The following FMNL1 variants were observed in gnomAD, a reference collection of about 807,000 sequenced individuals.
FMNL1 encodes formin like 1, also known as formin-like protein 1.
Under a neutral mutation model 121.3 loss-of-function variants are expected in FMNL1, and 43 were observed. The ratio of observed to expected loss-of-function variants is 0.35; its 90% CI spans 0.28 to 0.46. The LOEUF (loss-of-function observed/expected upper bound fraction) is 0.46, where lower values mean the gene tolerates loss of function less well. Ranked by LOEUF, FMNL1 falls within the 20% of genes least tolerant of loss-of-function variation. The pLI, the probability that FMNL1 is intolerant of heterozygous loss-of-function variation, is 1.00. For synonymous variants in FMNL1, 613 were observed against 613.5 expected, an observed-to-expected ratio of 1.00 and a Z score of 0.01; for missense variants, 1,191 against 1,482.4, an observed-to-expected ratio of 0.80 and a Z score of 3.23.
chr17:45,237,549 C>T lies in FMNL1; in HGVS notation c.804C>T (p.Thr268=). ...ALSLNNKNPR[T]KALVLELLAA... ...AACCTGCCCCTTCTCTCTCCAGAAC[C>T]AAGGCTCTGGTGCTGGAGCTGCTGG... is the stretch of plus-strand genomic sequence containing the variant. Residue 268 remains threonine, a synonymous_variant, in exon 9 of 27, where the codon ACC becomes ACT. Coordinates refer to ENST00000331495, the MANE Select transcript of FMNL1 (RefSeq NM_005892.4). The surrounding 1 kb of genome is among the most constrained non-coding windows in gnomAD (Gnocchi z 4.4). The T allele has an allele frequency of 6.2e-7, 1 of 1,614,166 alleles. No individual in the cohort carries two copies.
chr17:45,230,799 ACT>A, intron 2 of FMNL1, 112 bp downstream of exon 2: 1 of 1,179,034 alleles, frequency 8.5e-7, no homozygotes, highest in Non-Finnish European at 1.2e-6. Flanking sequence ...TGGAGCCAAG[ACT>A]CTGCTCAGTG....
chr17:45,246,802 C>T (rs1287400391), intron 26 of FMNL1, 65 bp from the exon 27 acceptor site: 4 of 699,696 alleles, frequency 5.7e-6, no homozygotes, highest in African/African-American at 3.5e-5. Context: ...GCTTTGTGCC[C>T]TGGAGCCATG....
In FMNL1 at chr17:45,243,458, T is replaced by C. The variant is rs2043755646; in HGVS notation, c.2213+138T>C. ...TACCAACCCTGGTCCAGGAAACTTG[T>C]CCCCATTTTAAGGTGGAGAAAACTC... is the stretch of plus-strand genomic sequence containing the variant. On this transcript the variant is annotated intron_variant, in intron 17 of 26. Transcript: ENST00000331495. 7 of 1,073,296 alleles carry C rather than the reference T, an allele frequency of 6.5e-6. No individual in the cohort carries two copies. The Admixed American group carries it at 8.2e-5, about 13-fold the overall frequency. The allele number at this position is 1,073,296 out of a possible 1,614,324, so 66.5% of individuals were successfully genotyped here.
At chr17:45,235,825 G>C (rs891417601) in intron 6 of FMNL1, among the ~76,000 whole-genome samples, 4 of 152,194 alleles carry the variant, frequency 2.6e-5, no homozygotes, top group Non-Finnish European at 4.4e-5. Context: ...ATTGGAAGAT[G>C]AGCCCAAGTG....
intron 1 of FMNL1, among the ~76,000 whole-genome samples, chr17:45,227,097 C>T (rs1377588483): frequency 6.6e-6 from 1 of 151,762 alleles, no homozygotes; most frequent in African/African-American, 2.4e-5. Flanking sequence ...GGGACAGGCT[C>T]AGCTTCTGGG....
At position 45,241,518 on chromosome 17, in the gene FMNL1, G is replaced by T; in HGVS notation, c.1469G>T (p.Arg490Leu). The T allele has an allele frequency of 1.3e-6, 2 of 1,580,212 alleles. No homozygotes were observed. Among genetic ancestry groups the T allele is most frequent in the Non-Finnish European group, 8.6e-7 (1 of 1,164,094 alleles). The change falls in exon 14 of 27, where the codon CGT becomes CTT. Residue 490 changes from arginine (R) to leucine (L), a missense_variant. By Grantham distance (102) the Arg-to-Leu change is moderately radical. This residue lies in a region of FMNL1 where 519 missense variants were observed against 492.8 expected (regional missense o/e 1.05). Transcript: ENST00000331495. The surrounding 1 kb of genome is among the most constrained non-coding windows in gnomAD (Gnocchi z 7.0). ...VEELEEKGLIRILRGPGDAVS... is the reference protein window; with the variant it reads ...VEELEEKGLILILRGPGDAVS... ...GAGCTGGAGGAGAAGGGGTTAATCCGTATTCTGCGGGGGCCGGGGGATGCT... is the reference window on the plus strand; with the variant it reads ...GAGCTGGAGGAGAAGGGGTTAATCCTTATTCTGCGGGGGCCGGGGGATGCT...
At chr17:45,239,143 T>TG in intron 11 of FMNL1, 78 bp downstream of exon 11, 1 of 1,255,080 alleles carries the variant, frequency 8.0e-7, no homozygotes, top group South Asian at 1.2e-5. Flanking sequence ...GCATGAGTGC[T>TG]GGGGTCAGGT....
rs1239643285 is a variant in FMNL1 at position 45,246,959 on chromosome 17, C to A, written c.*101C>A. 4.0e-6 allele frequency: 3 copies of A among 749,342 alleles called. No individual in the cohort carries two copies. Among genetic ancestry groups the A allele is most frequent in the Non-Finnish European group, 7.3e-6 (3 of 411,074 alleles). 46.4% of individuals were successfully genotyped at this position (749,342 alleles called of 1,614,324 possible). A position where few individuals can be genotyped will look rare whatever the true frequency, so the allele number is the denominator to read the frequency against. Reference sequence around the variant, plus strand: ...CCCCCCACTGCAGGTCACCTCCGACCTCTCGCTGTAGCCGCTATTTCTGCA... The same window carrying A: ...CCCCCCACTGCAGGTCACCTCCGACATCTCGCTGTAGCCGCTATTTCTGCA... On this transcript the variant is annotated 3_prime_UTR_variant, in exon 27 of 27. Coordinates refer to ENST00000331495, the MANE Select transcript of FMNL1 (RefSeq NM_005892.4).
At position 45,237,900 on chromosome 17, in the gene FMNL1, C is replaced by T. The variant is rs1025530188; in HGVS notation, c.894+261C>T. On this transcript the variant is annotated intron_variant, in intron 9 of 26. Coordinates refer to ENST00000331495, the MANE Select transcript of FMNL1 (RefSeq NM_005892.4). This position sits in a 1 kb window ranked among gnomAD's most constrained non-coding sequence, Gnocchi z 4.4. ...ACAGGGACCTGCTGAACCTCTGACT[C>T]AGCCTTGCCAGATCCAAACTAGCCT... 2.4e-6 allele frequency: 1 copy of T among 412,904 alleles called. No individual in the cohort carries two copies. Among genetic ancestry groups the T allele is most frequent in the Non-Finnish European group, 4.5e-6 (1 of 224,098 alleles). 25.6% of individuals were successfully genotyped at this position (412,904 alleles called of 1,614,324 possible). A position where few individuals can be genotyped will look rare whatever the true frequency, so the allele number is the denominator to read the frequency against.
intron 7 of FMNL1, among the ~76,000 whole-genome samples, chr17:45,236,922 G>A (rs989976708): frequency 1.3e-5 from 2 of 152,176 alleles, no homozygotes; most frequent in Non-Finnish European, 2.9e-5. Context: ...GACCAGCCTG[G>A]CCAATATGGC....
At chr17:45,230,387 T>C (rs761044444) in intron 1 of FMNL1, among the ~76,000 whole-genome samples, 13 of 152,182 alleles carry the variant, frequency 8.5e-5, no homozygotes, top group Non-Finnish European at 1.9e-4. Context: ...ATTCAAATCC[T>C]GCTCTCCCTT....
Position 45,241,823 on chromosome 17 carries a change from C to A in FMNL1, c.1586-24C>A, listed in dbSNP as rs576501660. 9 of 1,411,708 alleles carry A rather than the reference C, an allele frequency of 6.4e-6. No individual in the cohort carries two copies. The highest frequency in any genetic ancestry group is 6.1e-5 in the South Asian group (4 of 65,658). 87.4% of individuals were successfully genotyped at this position (1,411,708 alleles called of 1,614,324 possible). A position where few individuals can be genotyped will look rare whatever the true frequency, so the allele number is the denominator to read the frequency against. On this transcript the variant is annotated intron_variant, in intron 14 of 26. Transcript: ENST00000331495. This position sits in a 1 kb window ranked among gnomAD's most constrained non-coding sequence, Gnocchi z 7.0. The stretch of plus-strand genomic sequence containing the variant: ...TCAAGGAGCTGACTCGCGCCTCCCC[C>A]ACGCCGCGCCCTCGCTGGCTCAGAT...
rs1032578186 is a variant in FMNL1, at chr17:45,241,145, G to A, written c.1247G>A (p.Arg416Gln). 19 of 1,613,980 alleles carry A rather than the reference G, an allele frequency of 1.2e-5. No homozygotes were observed. The highest frequency in any genetic ancestry group is 1.5e-5 in the Non-Finnish European group (18 of 1,179,980). ...EQVALLTERLRDAENESMAKI... is the reference protein window; with the variant it reads ...EQVALLTERLQDAENESMAKI... ...GTGCTACAGCTGACAGAGCGGCTTC[G>A]GGACGCGGAGAACGAATCCATGGCC... Residue 416 changes from arginine to glutamine, a missense_variant, in exon 13 of 27, where the codon CGG (arginine) becomes CAG (glutamine). Arg to Gln is a conservative substitution (Grantham distance 43). Coordinates refer to ENST00000331495, the MANE Select transcript of FMNL1 (RefSeq NM_005892.4). This position sits in a 1 kb window ranked among gnomAD's most constrained non-coding sequence, Gnocchi z 7.0.
chr17:45,230,163 C>T (rs1302611670), intron 1 of FMNL1, among the ~76,000 whole-genome samples: 1 of 130,922 alleles, frequency 7.6e-6, no homozygotes, highest in African/African-American at 2.9e-5. Context: ...GGACACTGGC[C>T]ACTGGCCACT....
In FMNL1 at chr17:45,237,254, A is replaced by G; in HGVS notation, c.724-27A>G. ...TGAAGTCCTGGGGGGCCCTTCCTGG[A>G]GACACTGACCTCTCCTCTCTCCCCA... is the stretch of plus-strand genomic sequence containing the variant. On this transcript the variant is annotated intron_variant, in intron 7 of 26. Transcript: ENST00000331495. The surrounding 1 kb of genome is among the most constrained non-coding windows in gnomAD (Gnocchi z 4.4). 6.2e-7 allele frequency: 1 copy of G among 1,613,112 alleles called. No homozygotes were observed. The highest frequency in any genetic ancestry group is 8.5e-7 in the Non-Finnish European group (1 of 1,179,072).
rs1281079121 is a variant in FMNL1 at position 45,239,021 on chromosome 17, C to T, written c.1036C>T (p.Leu346=). ...GGAGAACATGAACTTCCGTGTCTTC[C>T]TGCAATATGAGTTCACCCACTTGGG... The part of the protein sequence containing the change: ...SVENMNFRVF[L]QYEFTHLGLD... The change falls in exon 11 of 27, where the codon CTG becomes TTG. Residue 346 remains leucine, a synonymous_variant. Transcript: ENST00000331495. The T allele has an allele frequency of 3.7e-6, 6 of 1,614,172 alleles. No individual in the cohort carries two copies. The South Asian group carries it at 5.5e-5, about 15-fold the overall frequency.
intron 11 of FMNL1, among the ~76,000 whole-genome samples, chr17:45,240,161 G>T (rs1302886622): frequency 6.6e-5 from 10 of 152,224 alleles, no homozygotes. Flanking sequence ...ATTAGTGGTT[G>T]CCAGGGACTG....
At chr17:45,238,383 G>C in intron 9 of FMNL1, 181 bp from the exon 10 acceptor site, 1 of 611,594 alleles carries the variant, frequency 1.6e-6, no homozygotes, top group South Asian at 1.9e-5. Context: ...AGTGTGGCCA[G>C]AGTGGAAAAA....
intron 26 of FMNL1, 127 bp from the exon 27 acceptor site, chr17:45,246,740 C>CGTT: frequency 1.1e-6 from 1 of 872,430 alleles, no homozygotes; most frequent in Non-Finnish European, 1.8e-6. Flanking sequence ...GTCTGGCAAA[C>CGTT]ATAAACGGTA....
Sources: allele counts gnomAD v4.1 joint callset (sites outside exome capture counted in the v4.1 genomes callset), GRCh38; gene constraint gnomAD v4.1.1; regional missense constraint gnomAD v4.1.1; non-coding constraint Gnocchi (gnomAD v3.1); transcripts MANE v1.5; gene names NCBI Gene and HGNC (gene_info 2026-07-23, HGNC 2026-07-21).